Variants in DOP1B observed in about 807,000 individuals in gnomAD.
The protein encoded by DOP1B is protein DOP1B.
In DOP1B, 174 loss-of-function variants were observed where a neutral mutation model predicts 233.5. The observed-to-expected ratio is 0.75, with a 90% CI of 0.66 to 0.85. DOP1B has a LOEUF of 0.85. DOP1B is among the 40% of genes least tolerant of loss of function. The pLI is 0.00. For synonymous variants in DOP1B, 1,190 were observed against 1,185.6 expected (o/e 1.00, Z -0.08); for missense variants, 2,652 against 2,846.6 (o/e 0.93, Z 1.56).
chr21:36,278,132 G>A, intron 29 of DOP1B, 48 bp downstream of exon 29: 1 of 1,613,280 alleles, frequency 6.2e-7, no homozygotes, highest in Non-Finnish European at 8.5e-7. Context: ...AGAAAAATAT[G>A]TTTTCACAAA....
At chr21:36,253,281 A>G (rs917576278) in intron 22 of DOP1B, among the ~76,000 whole-genome samples, 2 of 152,160 alleles carry the variant, frequency 1.3e-5, no homozygotes, top group Non-Finnish European at 2.9e-5. Context: ...TGTTTCTAAA[A>G]TGCTTTCTAC....
In DOP1B at chr21:36,278,049, G is replaced by T. The variant is rs1457176025; in HGVS notation, c.5787G>T (p.Leu1929=). 6.2e-7 allele frequency: 1 copy of T among 1,614,200 alleles called. No homozygotes were observed. The highest frequency in any genetic ancestry group is 1.7e-5 in the Admixed American group (1 of 60,008). Reference sequence around the variant, plus strand: ...AAGCTGTGCCGTTAATCTCCCGTCTGCTTTACTATGTTTTTCCATACTTAC... The same window carrying T: ...AAGCTGTGCCGTTAATCTCCCGTCTTCTTTACTATGTTTTTCCATACTTAC... The part of the protein sequence containing the change: ...KEKAVPLISR[L]LYYVFPYLRN... Residue 1929 remains leucine (L), a synonymous_variant, in exon 29 of 37, where the codon CTG becomes CTT. Coordinates refer to ENST00000691173, the MANE Select transcript of DOP1B (RefSeq NM_001320714.2).
At chr21:36,261,971 T>A in intron 24 of DOP1B, 1 of 984,814 alleles carries the variant, frequency 1.0e-6, no homozygotes, top group Non-Finnish European at 1.2e-6. Flanking sequence ...AGCCTCACTA[T>A]GCCTACATAG....
At chr21:36,258,946 G>A (rs1051092058) in intron 23 of DOP1B, among the ~76,000 whole-genome samples, 2 of 150,484 alleles carry the variant, frequency 1.3e-5, no homozygotes, top group South Asian at 2.1e-4. Flanking sequence ...TTCCAAGAAC[G>A]TATGGTCATC....
chr21:36,238,505 G>A (rs1010750457), intron 16 of DOP1B, 96 bp from the exon 17 acceptor site: 9 of 1,005,502 alleles, frequency 9.0e-6, no homozygotes, highest in African/African-American at 1.6e-5. Flanking sequence ...TTCTGCTGAA[G>A]TCTTTGATCT....
Position 36,245,964 on chromosome 21 carries a change from T to C in DOP1B, c.3984T>C (p.Pro1328=), listed in dbSNP as rs1357366289. 2 of 1,613,998 alleles carry C rather than the reference T, an allele frequency of 1.2e-6. No individual in the cohort carries two copies. Among genetic ancestry groups the C allele is most frequent in the Non-Finnish European group, 1.7e-6 (2 of 1,180,008 alleles). Residue 1328 remains proline, a synonymous_variant, in exon 19 of 37, where the codon CCT becomes CCC. Transcript: ENST00000691173. The surrounding 1 kb of genome is among the most constrained non-coding windows in gnomAD (Gnocchi z 5.5). ...LCLSFLRSYY[P]CYLKVSHRDI... ...TGAGCTTCCTGCGCTCCTACTACCCTTGCTATTTGAAGGTCTCGCACCGAG... is the reference window on the plus strand; with the variant it reads ...TGAGCTTCCTGCGCTCCTACTACCCCTGCTATTTGAAGGTCTCGCACCGAG...
intron 15 of DOP1B, among the ~76,000 whole-genome samples, chr21:36,236,771 CTTTTTCTTTTT>C (rs1366184848): frequency 2.6e-5 from 3 of 116,322 alleles, no homozygotes; most frequent in African/African-American, 8.9e-5. Flanking sequence ...TTTTCTTTTT[CTTTTTCTTTTT>C]TTTTTTTTTT....
intron 2 of DOP1B, among the ~76,000 whole-genome samples, chr21:36,192,906 G>T (rs1452316361): frequency 6.6e-6 from 1 of 151,692 alleles, no homozygotes; most frequent in East Asian, 1.9e-4. Context: ...AGCCAGGATG[G>T]TCTTGATCTC....
At chr21:36,184,474 G>A (rs901082057) in intron 2 of DOP1B, among the ~76,000 whole-genome samples, 7 of 152,126 alleles carry the variant, frequency 4.6e-5, no homozygotes, top group Admixed American at 6.5e-5. Flanking sequence ...ATGAGCCACC[G>A]TGCCCAGCCC....
chr21:36,268,784 C>T (rs2067256354), intron 26 of DOP1B, among the ~76,000 whole-genome samples: 1 of 152,196 alleles, frequency 6.6e-6, no homozygotes, highest in African/African-American at 2.4e-5. Flanking sequence ...ATTCTCCTGC[C>T]TCAGCCTCCC....
At chr21:36,169,830 A>G (rs536828451) in intron 2 of DOP1B, 1 of 1,004,734 alleles carries the variant, frequency 1.0e-6, no homozygotes, top group African/African-American at 1.6e-5. Flanking sequence ...TGTTAGAGAA[A>G]CACCTTTTGC....
intron 32 of DOP1B, among the ~76,000 whole-genome samples, chr21:36,286,030 G>A (rs1306860468): frequency 6.6e-6 from 1 of 151,600 alleles, no homozygotes; most frequent in Non-Finnish European, 1.5e-5. Context: ...AAAAGAGACA[G>A]GAGTGGAGAA....
intron 21 of DOP1B, 54 bp downstream of exon 21, chr21:36,248,622 C>A: frequency 1.3e-6 from 2 of 1,513,738 alleles, no homozygotes; most frequent in South Asian, 1.3e-5. Context: ...ATTGTTCCAC[C>A]CAAAATAAAT....
chr21:36,214,026 T>G (rs1381652423), intron 7 of DOP1B, 55 bp from the exon 8 acceptor site: 9 of 1,389,116 alleles, frequency 6.5e-6, no homozygotes, highest in Non-Finnish European at 9.0e-6. Flanking sequence ...TTGCACAATA[T>G]GATGTCCTTT....
rs748850629 is a variant in DOP1B at position 36,253,757 on chromosome 21, T to G, written c.5122-15T>G. On this transcript the variant is annotated splice_polypyrimidine_tract_variant and intron_variant, in intron 22 of 36. Coordinates refer to ENST00000691173, the MANE Select transcript of DOP1B (RefSeq NM_001320714.2). ...TCTCTATAAGCTTTCAAGGAACTTT[T>G]TTTTTTCTTGGCAGATTATCCCAAC... 25 of 1,607,878 alleles carry G rather than the reference T, an allele frequency of 1.6e-5. No homozygotes were observed. Among genetic ancestry groups the G allele is most frequent in the Non-Finnish European group, 2.1e-5 (25 of 1,176,678 alleles).
chr21:36,263,555 A>C lies in DOP1B; in HGVS notation c.5325A>C (p.Val1775=). 6.2e-7 allele frequency: 1 copy of C among 1,614,100 alleles called. No homozygotes were observed. ...FCYAFLQRLP[V]PALQENFSSL... Reference sequence around the variant, plus strand: ...TCTTTTAAAAAAACAGGCTCCCAGTACCAGCCTTGCAAGAGAACTTTTCTT... The same window carrying C: ...TCTTTTAAAAAAACAGGCTCCCAGTCCCAGCCTTGCAAGAGAACTTTTCTT... Residue 1775 remains valine, a synonymous_variant, in exon 25 of 37, where the codon GTA becomes GTC. Transcript: ENST00000691173.
chr21:36,245,662 A>G lies in DOP1B; in HGVS notation c.3682A>G (p.Ile1228Val). 1 of 1,613,328 alleles carries G rather than the reference A, an allele frequency of 6.2e-7. No individual in the cohort carries two copies. The highest frequency in any genetic ancestry group is 1.1e-5 in the South Asian group (1 of 91,072). The change falls in exon 19 of 37, where the codon ATC becomes GTC. Residue 1228 changes from isoleucine (I) to valine (V), a missense_variant. Ile to Val is a conservative substitution (Grantham distance 29). Coordinates refer to ENST00000691173, the MANE Select transcript of DOP1B (RefSeq NM_001320714.2). The surrounding 1 kb of genome is among the most constrained non-coding windows in gnomAD (Gnocchi z 5.5). ...QEAVEALFKHILLYLQPYDSR... is the reference protein window; with the variant it reads ...QEAVEALFKHVLLYLQPYDSR... ...GGCCGTCGAGGCCTTGTTCAAGCAC[A>G]TCCTGCTCTACCTGCAGCCCTACGA...
In DOP1B at chr21:36,270,063, C is replaced by A; in HGVS notation, c.5538C>A (p.Ser1846=). Residue 1846 remains serine (S), a synonymous_variant, in exon 27 of 37, where the codon TCC becomes TCA. Coordinates refer to ENST00000691173, the MANE Select transcript of DOP1B (RefSeq NM_001320714.2). ...CTGTGGGGAACATTGCCGGCTCTTCCTTGGAGCAAACCAGCTGGCTAAGCA... is the reference window on the plus strand; with the variant it reads ...CTGTGGGGAACATTGCCGGCTCTTCATTGGAGCAAACCAGCTGGCTAAGCA... ...LEAVGNIAGS[S]LEQTSWLSRN... 6.2e-7 allele frequency: 1 copy of A among 1,614,108 alleles called. No homozygotes were observed. The highest frequency in any genetic ancestry group is 1.3e-5 in the African/African-American group (1 of 75,040).
intron 5 of DOP1B, among the ~76,000 whole-genome samples, chr21:36,209,826 G>T (rs895548474): frequency 2.0e-5 from 3 of 152,174 alleles, no homozygotes; most frequent in African/African-American, 7.2e-5. Flanking sequence ...ACCTGGTGGT[G>T]TTCCCACACT....
Sources: allele counts gnomAD v4.1 joint callset (sites outside exome capture counted in the v4.1 genomes callset), GRCh38; gene constraint gnomAD v4.1.1; non-coding constraint Gnocchi (gnomAD v3.1); transcripts MANE v1.5; gene names NCBI Gene and HGNC (gene_info 2026-07-23, HGNC 2026-07-21).